The following THSD7A variants were observed in gnomAD, a reference collection of about 807,000 sequenced individuals.
The protein encoded by THSD7A is thrombospondin type 1 domain containing 7A.
A neutral mutation model predicts 231.3 loss-of-function variants in THSD7A; 96 were observed. The ratio of observed to expected loss-of-function variants is 0.41; its 90% CI spans 0.35 to 0.49. THSD7A has a LOEUF of 0.49. Ranked by LOEUF, THSD7A falls within the 20% of genes least tolerant of loss-of-function variation. The pLI, the probability that THSD7A is intolerant of heterozygous loss-of-function variation, is 0.05. For synonymous variants in THSD7A, 940 were observed against 743.3 expected, an observed-to-expected ratio of 1.26 and a Z score of -4.30; for missense variants, 2,290 against 2,070.2, an observed-to-expected ratio of 1.11 and a Z score of -2.06.
chr7:11,375,767 C>T lies in THSD7A; in HGVS notation c.*27G>A, dbSNP rs1484143414. ...CATCTATGAAGTCAGAAAGCCGAAA[C>T]TGGTTGTTGCCAGGAAAAGTTATAT... On this transcript the variant is annotated 3_prime_UTR_variant, in exon 28 of 28. Coordinates refer to ENST00000423059, the MANE Select transcript of THSD7A (RefSeq NM_015204.3). 3 of 1,603,340 alleles carry T rather than the reference C, an allele frequency of 1.9e-6. No homozygotes were observed. The African/African-American group carries it at 4.0e-5, about 21-fold the overall frequency.
chr7:11,388,457 G>C (rs529244212), intron 23 of THSD7A, among the ~76,000 whole-genome samples: 2 of 152,196 alleles, frequency 1.3e-5, no homozygotes, highest in East Asian at 1.9e-4. Context: ...ATTTCTTCTA[G>C]ATTTCCTATT....
chr7:11,830,076 C>T (rs1012620160), intron 1 of THSD7A, among the ~76,000 whole-genome samples: 1 of 152,204 alleles, frequency 6.6e-6, no homozygotes, highest in Non-Finnish European at 1.5e-5. Flanking sequence ...AAAATTCCTA[C>T]AGCTAGCAAG....
chr7:11,521,450 G>A (rs1788257663), intron 6 of THSD7A, among the ~76,000 whole-genome samples: 1 of 148,584 alleles, frequency 6.7e-6, no homozygotes, highest in Non-Finnish European at 1.5e-5. Context: ...CACTGAGACA[G>A]GGCCACATTC....
intron 1 of THSD7A, among the ~76,000 whole-genome samples, chr7:11,646,047 A>C (rs1347042300): frequency 6.6e-6 from 1 of 152,002 alleles, no homozygotes; most frequent in Non-Finnish European, 1.5e-5. Context: ...TTTCTTAGAG[A>C]AAATTCTTCT....
chr7:11,750,330 C>T lies in THSD7A; in HGVS notation c.190+81427G>A, dbSNP rs181256067. ...TAGGGGTGCGTAGTACAAATCAGGA[C>T]GGTATCAGTAACATTATTGTGCAAG... On this transcript the variant is annotated intron_variant, in intron 1 of 27. Coordinates refer to ENST00000423059, the MANE Select transcript of THSD7A (RefSeq NM_015204.3). 4.6e-5 allele frequency among the ~76,000 whole-genome samples: 7 copies of T among 151,840 alleles called. No individual in the cohort carries two copies. In the East Asian group the frequency reaches 5.9e-4, roughly 13 times the overall value.
intron 1 of THSD7A, among the ~76,000 whole-genome samples, chr7:11,782,183 G>GC (rs1308700222): frequency 6.6e-6 from 1 of 152,110 alleles, no homozygotes; most frequent in African/African-American, 2.4e-5. Context: ...CATCTGTTCT[G>GC]CAGCACTTCA....
At chr7:11,453,472 T>C (rs942463899) in intron 11 of THSD7A, among the ~76,000 whole-genome samples, 2 of 152,112 alleles carry the variant, frequency 1.3e-5, no homozygotes, top group South Asian at 4.1e-4. Flanking sequence ...GATTCAAGAA[T>C]GCATCCAAAT....
Position 11,406,460 on chromosome 7 carries a change from T to G in THSD7A, c.4077A>C (p.Gly1359=). The G allele has an allele frequency of 6.2e-7, 1 of 1,611,310 alleles. No individual in the cohort carries two copies. Among genetic ancestry groups the G allele is most frequent in the Non-Finnish European group, 8.5e-7 (1 of 1,179,052 alleles). Residue 1359 remains glycine, a synonymous_variant, in exon 22 of 28, where the codon GGA becomes GGC. Transcript: ENST00000423059. This position sits in a 1 kb window ranked among gnomAD's most constrained non-coding sequence, Gnocchi z 4.7. ...AAATGTTCCTTGTTCTGGTCCCTTC[T>G]CCACACTGGGCCTCCTGGAATGGAG... ...SPCQVQEAQC[G]EGTRTRNISC...
chr7:11,806,482 A>G (rs1815109), intron 1 of THSD7A, among the ~76,000 whole-genome samples: 92,593 of 151,938 alleles, frequency 0.61, 28,622 homozygotes, highest in Middle Eastern at 0.71. Context: ...AGAGCTTAAA[A>G]GTGGTTGTGG....
At position 11,552,827 on chromosome 7, in the gene THSD7A, G is replaced by A. The variant is rs1295606532; in HGVS notation, c.1454-9710C>T. 2.6e-5 allele frequency among the ~76,000 whole-genome samples: 4 copies of A among 152,184 alleles called. No homozygotes were observed. In the East Asian group the frequency reaches 7.7e-4, roughly 29 times the overall value. On this transcript the variant is annotated intron_variant, in intron 4 of 27. Coordinates refer to ENST00000423059, the MANE Select transcript of THSD7A (RefSeq NM_015204.3). Reference sequence around the variant, plus strand: ...TAATAAGATTAGGGCTGAGCAGCCAGCCTTCCCATAAGCTATGTAAACATC... The same window carrying A: ...TAATAAGATTAGGGCTGAGCAGCCAACCTTCCCATAAGCTATGTAAACATC...
intron 2 of THSD7A, among the ~76,000 whole-genome samples, chr7:11,610,835 A>C (rs1780897779): frequency 6.6e-6 from 1 of 152,128 alleles, no homozygotes; most frequent in Non-Finnish European, 1.5e-5. Flanking sequence ...AAAAGTGCCC[A>C]TTGTTGGCTA....
chr7:11,769,149 A>ATTTTTTTTTTTTTTT (rs1245740094), intron 1 of THSD7A, among the ~76,000 whole-genome samples: 9 of 36,296 alleles, frequency 2.5e-4, no homozygotes, highest in East Asian at 5.8e-4. Context: ...ATATATATAT[A>ATTTTTTTTTTTTTTT]TATATTTTTT....
rs1370956092 is a variant in THSD7A at position 11,481,934 on chromosome 7, G to A, written c.1871C>T (p.Pro624Leu). The change falls in exon 7 of 28, where the codon CCT becomes CTT. Residue 624 changes from proline (P) to leucine (L), a missense_variant. Physicochemically the swap from Pro to Leu is moderately conservative, Grantham distance 98. Transcript: ENST00000423059. ...CGGGCATGGGGCATCACAGGCCACA[G>A]GGATGGGGAAGATGGCATCTCTGCA... ...QLCRDAIFPIPVACDAPCPKD... is the reference protein window; with the variant it reads ...QLCRDAIFPILVACDAPCPKD... The A allele has an allele frequency of 6.2e-6, 10 of 1,613,560 alleles. No individual in the cohort carries two copies. The highest frequency in any genetic ancestry group is 8.5e-6 in the Non-Finnish European group (10 of 1,179,678).
chr7:11,680,270 C>T (rs1166966906), intron 1 of THSD7A, among the ~76,000 whole-genome samples: 2 of 152,102 alleles, frequency 1.3e-5, no homozygotes, highest in African/African-American at 4.8e-5. Flanking sequence ...CTAGGCAATA[C>T]CATTCAGTAC....
At chr7:11,427,680 A>G (rs1259159900) in intron 14 of THSD7A, among the ~76,000 whole-genome samples, 1 of 152,208 alleles carries the variant, frequency 6.6e-6, no homozygotes, top group African/African-American at 2.4e-5. Context: ...TAAATTTGCT[A>G]CTGAAAATTC....
intron 6 of THSD7A, among the ~76,000 whole-genome samples, chr7:11,484,591 G>A (rs924272580): frequency 4.6e-5 from 7 of 152,060 alleles, no homozygotes; most frequent in Admixed American, 2.0e-4. Context: ...GGTGTTATCC[G>A]TATCTGTCTT....
chr7:11,443,597 C>T lies in THSD7A; in HGVS notation c.3064+2464G>A, dbSNP rs151222584. Among the ~76,000 whole-genome samples, 62 of 152,048 alleles carry T rather than the reference C, an allele frequency of 4.1e-4. 1 individual carries two copies. Among genetic ancestry groups the T allele is most frequent in the African/African-American group, 1.3e-3 (56 of 41,528 alleles). On this transcript the variant is annotated intron_variant, in intron 13 of 27. Transcript: ENST00000423059. The stretch of plus-strand genomic sequence containing the variant: ...AATATTATGGAGTCTTTGGAGTTCA[C>T]ATCATTAGACTTTTTTTTTGTTTTT...
At chr7:11,420,362 C>G (rs1355186042) in intron 16 of THSD7A, among the ~76,000 whole-genome samples, 1 of 152,210 alleles carries the variant, frequency 6.6e-6, no homozygotes, top group African/African-American at 2.4e-5. Flanking sequence ...GTCTCTCCAG[C>G]TCCAGCCATG....
At chr7:11,452,605 G>A (rs1269741671) in intron 11 of THSD7A, among the ~76,000 whole-genome samples, 1 of 152,020 alleles carries the variant, frequency 6.6e-6, no homozygotes, top group Non-Finnish European at 1.5e-5. Context: ...AGCTGAGACT[G>A]AGGTTGGCTA....
Sources: gnomAD v4.1 joint callset for allele counts (sites outside exome capture counted in the v4.1 genomes callset) on GRCh38, gnomAD v4.1.1 for gene constraint, Gnocchi (gnomAD v3.1) non-coding constraint, MANE v1.5 for transcripts, NCBI Gene and HGNC (gene_info 2026-07-23, HGNC 2026-07-21) for gene names.